Variants in ARHGAP17 observed in about 807,000 individuals in gnomAD.
ARHGAP17 encodes the protein Rho GTPase activating protein 17, also known as rho GTPase-activating protein 17.
ARHGAP17 carries 57 observed loss-of-function variants against 99.5 expected under a neutral mutation model. The observed-to-expected ratio is 0.57, with a 90% CI of 0.46 to 0.71. The LOEUF is 0.71. ARHGAP17 is among the 30% of genes least tolerant of loss of function. The probability of loss-of-function intolerance (pLI) is 0.00; values close to 1 mark genes in which losing one functional copy is unlikely to be tolerated. For missense variants in ARHGAP17, 1,000 were observed against 1,122.4 expected, an observed-to-expected ratio of 0.89 and a Z score of 1.56; for synonymous variants, 417 against 429.6, an observed-to-expected ratio of 0.97 and a Z score of 0.36.
rs1453145614 is a variant in ARHGAP17 at position 24,919,401 on chromosome 16, C to A, written c.*729G>T. On this transcript the variant is annotated 3_prime_UTR_variant, in exon 20 of 20. Transcript: ENST00000289968. ...AAGAATTATGAAGTTTTCATATAAA[C>A]CACAGAATATATTTAATTCAAATTA... 3.9e-5 allele frequency: 6 copies of A among 152,200 alleles called. No individual in the cohort carries two copies. Among genetic ancestry groups the A allele is most frequent in the Non-Finnish European group, 8.8e-5 (6 of 68,104 alleles). 9.4% of individuals were successfully genotyped at this position (152,200 alleles called of 1,614,324 possible).
At chr16:24,939,894 C>A in intron 16 of ARHGAP17, 1 of 408,746 alleles carries the variant, frequency 2.4e-6, no homozygotes, top group Non-Finnish European at 4.5e-6. Context: ...GTGTTTATCC[C>A]CATACTTCCT....
chr16:24,945,181 G>A (rs2051433136), intron 14 of ARHGAP17, among the ~76,000 whole-genome samples: 1 of 151,910 alleles, frequency 6.6e-6, no homozygotes, highest in African/African-American at 2.4e-5. Flanking sequence ...AAATTGGCCA[G>A]GTGTGGTGGC....
At position 24,964,260 on chromosome 16, in the gene ARHGAP17, T is replaced by A. The variant is rs748383784; in HGVS notation, c.510A>T (p.Pro170=). 13 of 1,613,978 alleles carry A rather than the reference T, an allele frequency of 8.1e-6. No homozygotes were observed. Among genetic ancestry groups the A allele is most frequent in the Non-Finnish European group, 7.6e-6 (9 of 1,180,008 alleles). ...KSSGTNFQGL[P]SKIDTLKEEM... is the part of the protein sequence containing the mutation. ...CTTCCTTTAGAGTATCTATTTTTGA[T>A]GGAAGCCCCTGAAAGTTGGTTCCTG... The change falls in exon 7 of 20, where the codon CCA becomes CCT. Residue 170 remains proline, a synonymous_variant. Coordinates refer to ENST00000289968, the MANE Select transcript of ARHGAP17 (RefSeq NM_001006634.3).
At position 24,943,862 on chromosome 16, in the gene ARHGAP17, T is replaced by G. The variant is rs17624477; in HGVS notation, c.1242A>C (p.Gly414=). ...GPNLLWARNE[G]TLAEMAAATS... ...TGGCTGCTGCCATTTCAGCAAGTGT[T>G]CTGCAAAGCAAGTTCACAAAATTAA... The change falls in exon 15 of 20, where the codon GGA becomes GGC. Residue 414 remains glycine, a splice_region_variant and synonymous_variant. Coordinates refer to ENST00000289968, the MANE Select transcript of ARHGAP17 (RefSeq NM_001006634.3). 2.5e-6 allele frequency: 4 copies of G among 1,613,882 alleles called. No individual in the cohort carries two copies. The highest frequency in any genetic ancestry group is 1.3e-5 in the African/African-American group (1 of 74,916).
chr16:24,971,702 G>A (rs892297280), intron 3 of ARHGAP17, among the ~76,000 whole-genome samples: 1 of 152,176 alleles, frequency 6.6e-6, no homozygotes, highest in African/African-American at 2.4e-5. Flanking sequence ...TAGCTAAAGA[G>A]CCAGTTTTTG....
chr16:24,983,012 T>A lies in ARHGAP17; in HGVS notation c.54-4007A>T, dbSNP rs1438637109. On this transcript the variant is annotated intron_variant, in intron 1 of 19. Transcript: ENST00000289968. ...TATATATATATTTTTTTTTTTTTTT[T>A]TTTTTTTTTTGAGACAGGGTCTCGT... 7.9e-3 allele frequency among the ~76,000 whole-genome samples: 796 copies of A among 101,128 alleles called. 17 individuals carry two copies. The highest frequency in any genetic ancestry group is 0.012 in the Non-Finnish European group (606 of 52,456). The allele number at this position is 101,128 out of a possible 152,430, so 66.3% of individuals were successfully genotyped here.
chr16:24,932,074 G>A (rs2051008173), intron 18 of ARHGAP17, among the ~76,000 whole-genome samples: 1 of 148,454 alleles, frequency 6.7e-6, no homozygotes, highest in African/African-American at 2.5e-5. Context: ...TCACACCACT[G>A]AATTCCAGCC....
At chr16:24,968,515 G>A in intron 5 of ARHGAP17, 88 bp from the exon 6 acceptor site, 1 of 1,557,596 alleles carries the variant, frequency 6.4e-7, no homozygotes, top group Non-Finnish European at 8.8e-7. Flanking sequence ...TTTCTCTAAG[G>A]CAAAGGATTT....
intron 17 of ARHGAP17, chr16:24,936,041 C>T (rs2051130432): frequency 3.2e-6 from 1 of 312,798 alleles, no homozygotes; most frequent in African/African-American, 2.2e-5. Context: ...TTCAAAGCAA[C>T]CAATGCGGAG....
At chr16:24,958,757 C>CA (rs1597405850) in intron 9 of ARHGAP17, among the ~76,000 whole-genome samples, 1 of 152,160 alleles carries the variant, frequency 6.6e-6, no homozygotes, top group East Asian at 1.9e-4. Context: ...GCATCCCCCC[C>CA]ACAACACACA....
At position 25,003,678 on chromosome 16, in the gene ARHGAP17, G is replaced by T. The variant is rs200958329; in HGVS notation, c.53+11531C>A. Among the ~76,000 whole-genome samples the T allele has an allele frequency of 3.3e-5, 5 of 152,032 alleles. No individual in the cohort carries two copies. In the East Asian group the frequency reaches 9.8e-4, roughly 30 times the overall value. On this transcript the variant is annotated intron_variant, in intron 1 of 19. Coordinates refer to ENST00000289968, the MANE Select transcript of ARHGAP17 (RefSeq NM_001006634.3). ...GTCTCTACTAAAAATACAAAAATTA[G>T]CCGGGAGTGGTAGTGCACACCTGTA...
intron 1 of ARHGAP17, among the ~76,000 whole-genome samples, chr16:24,989,342 C>T (rs2052966793): frequency 2.0e-5 from 3 of 152,172 alleles, no homozygotes; most frequent in South Asian, 4.1e-4. Context: ...CTTACAAGGA[C>T]TCATTTAGCT....
At chr16:24,995,898 T>G (rs369237418) in intron 1 of ARHGAP17, among the ~76,000 whole-genome samples, 1 of 152,176 alleles carries the variant, frequency 6.6e-6, no homozygotes, top group African/African-American at 2.4e-5. Context: ...CTTTTTCTTC[T>G]CTTTTTTTTA....
intron 9 of ARHGAP17, among the ~76,000 whole-genome samples, chr16:24,957,826 G>C (rs776025731): frequency 1.3e-5 from 2 of 152,152 alleles, no homozygotes; most frequent in South Asian, 4.1e-4. Flanking sequence ...GCTGTGTTCA[G>C]GTCAGGAAGG....
Position 24,939,580 on chromosome 16 carries a change from A to G in ARHGAP17, c.1508T>C (p.Met503Thr), listed in dbSNP as rs566929405. Residue 503 changes from methionine to threonine, a missense_variant, in exon 17 of 20, where the codon ATG becomes ACG. This residue lies in a region of ARHGAP17 where 528 missense variants were observed against 511.4 expected (regional missense o/e 1.03). Transcript: ENST00000289968. ...VKKESFGVKL[M>T]DFQAHRRGGT... is the part of the protein sequence containing the mutation. ...ACCCCGCCGGTGGGCCTGGAAGTCC[A>G]TAAGCTTCACACCAAAGCTACACAG... The G allele has an allele frequency of 1.2e-6, 2 of 1,606,796 alleles. No homozygotes were observed. The highest frequency in any genetic ancestry group is 2.7e-5 in the African/African-American group (2 of 75,020).
intron 9 of ARHGAP17, chr16:24,957,468 G>A (rs1230946109): frequency 1.3e-5 from 2 of 152,270 alleles, no homozygotes; most frequent in African/African-American, 2.4e-5. Flanking sequence ...AGACAGAAAT[G>A]AGCAATATAT....
In ARHGAP17 at chr16:24,968,712, G is replaced by A. The variant is rs368846101; in HGVS notation, c.333C>T (p.His111=). ...ENQLALELSQ[H]EVFVEKEIVD... ...CGATCTCCTTCTCAACAAAGACTTC[G>A]TGCTGGGAGAGCTCGAGAGCCAGCT... The change falls in exon 5 of 20, where the codon CAC becomes CAT. Residue 111 remains histidine (H), a synonymous_variant. Transcript: ENST00000289968. 1.4e-5 allele frequency: 22 copies of A among 1,614,178 alleles called. No homozygotes were observed. Among genetic ancestry groups the A allele is most frequent in the African/African-American group, 2.7e-5 (2 of 75,024 alleles).
chr16:24,964,891 T>C (rs930109361), intron 6 of ARHGAP17, among the ~76,000 whole-genome samples: 1 of 148,982 alleles, frequency 6.7e-6, no homozygotes, highest in African/African-American at 2.5e-5. Context: ...GGAGGATCAC[T>C]TGAGCTAGCA....
chr16:25,014,983 T>G (rs568374805), intron 1 of ARHGAP17, among the ~76,000 whole-genome samples: 1 of 150,108 alleles, frequency 6.7e-6, no homozygotes, highest in Non-Finnish European at 1.5e-5. Context: ...GGCCCTCCCC[T>G]GCAGGTCTCG....
Sources: allele counts gnomAD v4.1 joint callset (sites outside exome capture counted in the v4.1 genomes callset), GRCh38; gene constraint gnomAD v4.1.1; regional missense constraint gnomAD v4.1.1; transcripts MANE v1.5; gene names NCBI Gene and HGNC (gene_info 2026-07-23, HGNC 2026-07-21).